NAGK: variants seen among roughly 807,000 people sequenced by gnomAD.
NAGK encodes N-acetyl-D-glucosamine kinase.
Under a neutral mutation model 42.9 loss-of-function variants are expected in NAGK, and 35 were observed. The ratio of observed to expected loss-of-function variants is 0.82; its 90% CI spans 0.62 to 1.08. The LOEUF (loss-of-function observed/expected upper bound fraction) is 1.08, where lower values mean the gene tolerates loss of function less well. Among genes scored for constraint, NAGK ranks in the 50% least tolerant of loss-of-function variants. NAGK has a pLI of 0.00. For missense variants in NAGK, 446 were observed against 446.0 expected (o/e 1.00, Z 0.00); for synonymous variants, 172 against 176.0 (o/e 0.98, Z 0.18).
chr2:71,071,499 T>C, intron 3 of NAGK, 187 bp from the exon 4 acceptor site: 3 of 741,936 alleles, frequency 4.0e-6, no homozygotes, highest in Non-Finnish European at 6.2e-6. Flanking sequence ...CCATCCCCAG[T>C]CCAGGTTGTT....
rs751138739 is a variant in NAGK, at chr2:71,071,864, G to T, written c.355+37G>T. The T allele has an allele frequency of 1.6e-5, 26 of 1,609,432 alleles. No individual in the cohort carries two copies. In the Admixed American group the frequency reaches 2.0e-4, roughly 12 times the overall value. On this transcript the variant is annotated intron_variant, in intron 4 of 9. Coordinates refer to ENST00000244204, the MANE Select transcript of NAGK (RefSeq NM_017567.6). ...GAGGGAGGGGTGAGAGTGAGAACTG[G>T]TTTTTTTGGGAAAGCCCCTTAGATA... is the stretch of plus-strand genomic sequence containing the variant.
chr2:71,072,844 T>A, intron 5 of NAGK, 93 bp downstream of exon 5: 1 of 1,179,450 alleles, frequency 8.5e-7, no homozygotes, highest in Non-Finnish European at 1.2e-6. Context: ...CACTGAGCCC[T>A]TGGGGCTTCC....
At chr2:71,071,013 C>T in intron 3 of NAGK, 174 bp downstream of exon 3, 1 of 658,334 alleles carries the variant, frequency 1.5e-6, no homozygotes, top group Non-Finnish European at 2.7e-6. Context: ...CACCTACAAA[C>T]TACAAATGTG....
chr2:71,077,874 T>C (rs1289340367), intron 9 of NAGK, among the ~76,000 whole-genome samples: 2 of 152,198 alleles, frequency 1.3e-5, no homozygotes, highest in Non-Finnish European at 2.9e-5. Flanking sequence ...ATTTATTGAA[T>C]AATAGCTACT....
chr2:71,070,437 G>A, intron 1 of NAGK, 65 bp from the exon 2 acceptor site: 1 of 1,425,004 alleles, frequency 7.0e-7, no homozygotes, highest in Non-Finnish European at 9.8e-7. Context: ...AGTGTGGACA[G>A]CACAAGCTTA....
At chr2:71,072,929 G>A (rs1293766292) in intron 5 of NAGK, 178 bp downstream of exon 5, 4 of 678,536 alleles carry the variant, frequency 5.9e-6, no homozygotes, top group Non-Finnish European at 8.0e-6. Flanking sequence ...AATGCTGGAC[G>A]AGCTGCTGAC....
At chr2:71,078,253 C>T in intron 9 of NAGK, 65 bp from the exon 10 acceptor site, 1 of 1,527,206 alleles carries the variant, frequency 6.5e-7, no homozygotes, top group Non-Finnish European at 9.1e-7. Context: ...TGTCTGTCTT[C>T]CTTCCTGGCC....
chr2:71,068,405 T>TG (rs1278409890), upstream of NAGK: 19 of 1,182,518 alleles, frequency 1.6e-5, no homozygotes, highest in Non-Finnish European at 2.0e-5. Flanking sequence ...TTGGGATTAG[T>TG]GTCCATCTCT....
chr2:71,078,359 C>T lies in NAGK; in HGVS notation c.886C>T (p.Gln296Ter), dbSNP rs759843828. The change falls in exon 10 of 10, where the codon CAG (glutamine) becomes TAG (stop). Residue 296 changes from glutamine to a stop codon, truncating the protein, a stop_gained. Coordinates refer to ENST00000244204, the MANE Select transcript of NAGK (RefSeq NM_017567.6). LOFTEE classifies it high-confidence loss of function. Reference protein sequence around the residue: ...ALTQGREIQAQNFFSSFTLMK... With the variant: ...ALTQGREIQA The stretch of plus-strand genomic sequence containing the variant: ...GACCCAGGGCAGAGAGATCCAGGCT[C>T]AGAACTTCTTCTCCAGCTTCACCCT... The T allele has an allele frequency of 1.9e-6, 3 of 1,614,090 alleles. No homozygotes were observed. The highest frequency in any genetic ancestry group is 2.7e-5 in the African/African-American group (2 of 74,918).
chr2:71,071,356 T>C (rs13023145), intron 3 of NAGK: 48,647 of 339,486 alleles, frequency 0.14, 3,781 homozygotes, highest in Middle Eastern at 0.18. Flanking sequence ...CAGGCAAACC[T>C]CGTGTATACC....
intron 1 of NAGK, 162 bp downstream of exon 1, chr2:71,068,874 A>G (rs961224101): frequency 2.2e-6 from 3 of 1,368,570 alleles, no homozygotes; most frequent in African/African-American, 1.5e-5. Flanking sequence ...CCTGGAGCGC[A>G]CAGCTGTATG....
intron 8 of NAGK, among the ~76,000 whole-genome samples, chr2:71,077,085 C>T (rs1004753034): frequency 5.3e-5 from 8 of 152,178 alleles, no homozygotes; most frequent in South Asian, 2.1e-4. Flanking sequence ...AAGTGATTCT[C>T]GTATCTCAGC....
At chr2:71,069,128 G>T (rs1671902270) in intron 1 of NAGK, 2 of 1,001,734 alleles carry the variant, frequency 2.0e-6, no homozygotes, top group African/African-American at 3.5e-5. Flanking sequence ...AAAGATCTTG[G>T]CTGAGGTTAT....
Position 71,071,846 on chromosome 2 carries a change from G to C in NAGK, c.355+19G>C. 6.2e-7 allele frequency: 1 copy of C among 1,613,320 alleles called. No individual in the cohort carries two copies. Among genetic ancestry groups the C allele is most frequent in the Non-Finnish European group, 8.5e-7 (1 of 1,179,516 alleles). The stretch of plus-strand genomic sequence containing the variant: ...CCGGATGGTGAGGAAGTGGAGGGAG[G>C]GGTGAGAGTGAGAACTGGTTTTTTT... On this transcript the variant is annotated intron_variant, in intron 4 of 9. Coordinates refer to ENST00000244204, the MANE Select transcript of NAGK (RefSeq NM_017567.6).
At chr2:71,073,176 A>T in intron 5 of NAGK, 3 of 499,986 alleles carry the variant, frequency 6.0e-6, no homozygotes, top group Non-Finnish European at 7.3e-6. Context: ...AGTTCATGGC[A>T]GTGACTCCGG....
chr2:71,076,636 A>G lies in NAGK; in HGVS notation c.700A>G (p.Ile234Val), dbSNP rs1358546826. 4 of 1,613,768 alleles carry G rather than the reference A, an allele frequency of 2.5e-6. No individual in the cohort carries two copies. Among genetic ancestry groups the G allele is most frequent in the Non-Finnish European group, 3.4e-6 (4 of 1,179,824 alleles). The change falls in exon 8 of 10, where the codon ATC (isoleucine) becomes GTC (valine). Residue 234 changes from isoleucine (I) to valine (V), a missense_variant. By Grantham distance (29) the Ile-to-Val change is conservative (BLOSUM62 3). Coordinates refer to ENST00000244204, the MANE Select transcript of NAGK (RefSeq NM_017567.6). Reference protein sequence around the residue: ...AQQGDPLSRYIFRKAGEMLGR... With the variant: ...AQQGDPLSRYVFRKAGEMLGR... ...GCAGGGAGACCCCCTTTCCCGCTAT[A>G]TCTTCAGGAAGGCTGGGGAGATGCT...
intron 9 of NAGK, 61 bp downstream of exon 9, chr2:71,077,697 C>T: frequency 6.5e-7 from 1 of 1,541,848 alleles, no homozygotes; most frequent in East Asian, 2.4e-5. Flanking sequence ...AGGAGGTGGC[C>T]CAGGAAAGCT....
At chr2:71,076,580 C>A in intron 7 of NAGK, 24 bp from the exon 8 acceptor site, 1 of 1,576,648 alleles carries the variant, frequency 6.3e-7, no homozygotes, top group South Asian at 1.1e-5. Context: ...CACCAGTTTC[C>A]TTCTTCCGTC....
chr2:71,068,656 C>T lies in NAGK; in HGVS notation c.-28C>T. ...GTCAGGCGGGGAGAGACGCAAACGG[C>T]GGGACCAGCAGCGACGGTAGCAGCA... On this transcript the variant is annotated 5_prime_UTR_variant, in exon 1 of 10. Transcript: ENST00000244204. 1 of 1,520,880 alleles carries T rather than the reference C, an allele frequency of 6.6e-7. No individual in the cohort carries two copies. Among genetic ancestry groups the T allele is most frequent in the African/African-American group, 1.4e-5 (1 of 70,174 alleles). The allele number at this position is 1,520,880 out of a possible 1,614,324, so 94.2% of individuals were successfully genotyped here.
Sources: gnomAD v4.1 joint callset for allele counts (sites outside exome capture counted in the v4.1 genomes callset) on GRCh38, gnomAD v4.1.1 for gene constraint, MANE v1.5 for transcripts, NCBI Gene and HGNC (gene_info 2026-07-23, HGNC 2026-07-21) for gene names.